LAPTM4B: variants seen among roughly 807,000 people sequenced by gnomAD.
LAPTM4B encodes lysosomal-associated transmembrane protein 4B.
A neutral mutation model predicts 28.5 loss-of-function variants in LAPTM4B; 26 were observed. The observed-to-expected ratio is 0.91, with a 90% CI of 0.67 to 1.27. The LOEUF is 1.27. Ranked by LOEUF, LAPTM4B falls within the 50% of genes most tolerant of loss-of-function variation. The pLI is 0.00. For synonymous variants in LAPTM4B, 109 were observed against 106.4 expected (o/e 1.02, Z -0.15); for missense variants, 288 against 285.8 (o/e 1.01, Z -0.06).
intron 4 of LAPTM4B, 47 bp from the exon 5 acceptor site, chr8:97,819,093 C>A: frequency 8.6e-7 from 1 of 1,157,314 alleles, no homozygotes; most frequent in South Asian, 1.3e-5. Context: ...GGAATACTGT[C>A]TGGAATGATT....
At chr8:97,828,483 G>A (rs1348541915) in intron 6 of LAPTM4B, among the ~76,000 whole-genome samples, 1 of 152,138 alleles carries the variant, frequency 6.6e-6, no homozygotes, top group Non-Finnish European at 1.5e-5. Flanking sequence ...TTAGTGGGAG[G>A]AGCCATGAAG....
rs780844858 is a variant in LAPTM4B at position 97,851,454 on chromosome 8, C to G, written c.661C>G (p.Pro221Ala). 6.2e-6 allele frequency: 10 copies of G among 1,614,092 alleles called. No homozygotes were observed. Among genetic ancestry groups the G allele is most frequent in the Non-Finnish European group, 8.5e-6 (10 of 1,179,936 alleles). Residue 221 changes from proline (P) to alanine (A), a missense_variant, in exon 7 of 7, where the codon CCA becomes GCA. Pro to Ala is a conservative substitution (Grantham distance 27, BLOSUM62 -1). Transcript: ENST00000521545. ...TVNGAAKEPPPPYVSA is the reference protein window; with the variant it reads ...TVNGAAKEPPAPYVSA ...GAATGGTGCTGCCAAGGAGCCACCG[C>G]CACCTTACGTGTCTGCCTAAGCCTT...
intron 6 of LAPTM4B, among the ~76,000 whole-genome samples, chr8:97,841,981 C>T (rs1227547007): frequency 1.3e-5 from 2 of 152,288 alleles, no homozygotes; most frequent in Admixed American, 6.5e-5. Flanking sequence ...TGTACTTTCT[C>T]ATCTGACATC....
At chr8:97,840,560 A>T (rs1817329540) in intron 6 of LAPTM4B, among the ~76,000 whole-genome samples, 1 of 152,222 alleles carries the variant, frequency 6.6e-6, no homozygotes, top group Non-Finnish European at 1.5e-5. Context: ...GGTTCACTGA[A>T]GACAAGATGT....
chr8:97,801,909 A>T (rs953407860), intron 1 of LAPTM4B, among the ~76,000 whole-genome samples: 10 of 152,026 alleles, frequency 6.6e-5, no homozygotes, highest in Non-Finnish European at 4.4e-5. Context: ...TTATCAAATA[A>T]CATCTTTGCC....
intron 1 of LAPTM4B, among the ~76,000 whole-genome samples, chr8:97,793,264 A>C (rs994107612): frequency 6.6e-6 from 1 of 152,214 alleles, no homozygotes; most frequent in Non-Finnish European, 1.5e-5. Flanking sequence ...CGTTTATTCT[A>C]CATTTTACTT....
At chr8:97,811,485 T>C (rs780748014) in intron 2 of LAPTM4B, among the ~76,000 whole-genome samples, 3 of 152,200 alleles carry the variant, frequency 2.0e-5, no homozygotes, top group Non-Finnish European at 4.4e-5. Context: ...GTGTGTATGC[T>C]TATATATGTA....
chr8:97,777,147 T>G (rs934318856), intron 1 of LAPTM4B, among the ~76,000 whole-genome samples: 4 of 133,784 alleles, frequency 3.0e-5, no homozygotes, highest in African/African-American at 8.5e-5. Context: ...GTTTTTTTTT[T>G]TTTTTTTTTT....
At chr8:97,845,973 G>A (rs1236473600) in intron 6 of LAPTM4B, among the ~76,000 whole-genome samples, 1 of 141,516 alleles carries the variant, frequency 7.1e-6, no homozygotes, top group African/African-American at 2.6e-5. Context: ...TTTCACTGCA[G>A]CCTCAACTCC....
chr8:97,817,936 C>T (rs925521853), intron 4 of LAPTM4B, among the ~76,000 whole-genome samples: 46 of 151,802 alleles, frequency 3.0e-4, no homozygotes, highest in Admixed American at 2.8e-3. Flanking sequence ...ACCTTAGCCT[C>T]CCAAGTAGTT....
intron 6 of LAPTM4B, among the ~76,000 whole-genome samples, chr8:97,846,135 G>A (rs1817430356): frequency 6.6e-6 from 1 of 151,464 alleles, no homozygotes; most frequent in Admixed American, 6.6e-5. Flanking sequence ...AGTTACAGGT[G>A]TGAGCCACCG....
intron 1 of LAPTM4B, among the ~76,000 whole-genome samples, chr8:97,789,976 T>A (rs1816473646): frequency 6.6e-6 from 1 of 152,206 alleles, no homozygotes. Context: ...CAAAGTTTGG[T>A]TTCCTGTGCC....
intron 6 of LAPTM4B, among the ~76,000 whole-genome samples, chr8:97,825,660 A>G (rs932839898): frequency 6.6e-6 from 1 of 152,226 alleles, no homozygotes; most frequent in Non-Finnish European, 1.5e-5. Context: ...AGTTGCTCAT[A>G]CTTTAAAATT....
intron 2 of LAPTM4B, among the ~76,000 whole-genome samples, chr8:97,806,062 T>C (rs1816752741): frequency 6.6e-6 from 1 of 152,134 alleles, no homozygotes; most frequent in Non-Finnish European, 1.5e-5. Context: ...ATAGTACAGA[T>C]TTATTTCTCA....
intron 6 of LAPTM4B, among the ~76,000 whole-genome samples, chr8:97,846,137 G>A (rs1238854334): frequency 6.6e-6 from 1 of 151,254 alleles, no homozygotes; most frequent in Non-Finnish European, 1.5e-5. Context: ...TTACAGGTGT[G>A]AGCCACCGCA....
chr8:97,823,743 G>A (rs1403229641), intron 5 of LAPTM4B, among the ~76,000 whole-genome samples: 1 of 149,014 alleles, frequency 6.7e-6, no homozygotes, highest in Admixed American at 6.8e-5. Context: ...TGTCACCCAG[G>A]GTGGAATGCA....
At chr8:97,802,307 A>G (rs1000405106) in intron 1 of LAPTM4B, among the ~76,000 whole-genome samples, 1 of 152,182 alleles carries the variant, frequency 6.6e-6, no homozygotes, top group Non-Finnish European at 1.5e-5. Context: ...TGGATTATTC[A>G]TGAGTTTTCC....
intron 3 of LAPTM4B, among the ~76,000 whole-genome samples, 194 bp from the exon 4 acceptor site, chr8:97,815,864 A>C (rs910721753): frequency 3.9e-5 from 6 of 152,174 alleles, no homozygotes; most frequent in Non-Finnish European, 7.4e-5. Flanking sequence ...CACCACACAC[A>C]GCCAGTCCTG....
At chr8:97,832,315 G>GT (rs1817193148) in intron 6 of LAPTM4B, among the ~76,000 whole-genome samples, 1 of 152,084 alleles carries the variant, frequency 6.6e-6, no homozygotes, top group African/African-American at 2.4e-5. Context: ...GGGCTACCAG[G>GT]TGGGCAGTAG....
Sources: allele counts gnomAD v4.1 joint callset (sites outside exome capture counted in the v4.1 genomes callset), GRCh38; gene constraint gnomAD v4.1.1; transcripts MANE v1.5; gene names NCBI Gene and HGNC (gene_info 2026-07-23, HGNC 2026-07-21).